CTNNA2: variants seen among roughly 807,000 people sequenced by gnomAD.
The protein encoded by CTNNA2 is catenin alpha-2.
Under a neutral mutation model 101.0 loss-of-function variants are expected in CTNNA2, and 42 were observed. That is an observed-to-expected ratio of 0.42 (90% CI 0.32 to 0.54). The LOEUF is 0.54. CTNNA2 is among the 20% of genes least tolerant of loss of function. The pLI is 0.14. For synonymous variants in CTNNA2, 450 were observed against 456.4 expected (o/e 0.99, Z 0.18); for missense variants, 871 against 1,223.1 (o/e 0.71, Z 4.29).
At chr2:80,449,360 T>C (rs1683315540) in intron 9 of CTNNA2, among the ~76,000 whole-genome samples, 1 of 152,126 alleles carries the variant, frequency 6.6e-6, no homozygotes, top group Non-Finnish European at 1.5e-5. Flanking sequence ...TCTATTTTGT[T>C]ATTGTAGCAG....
intron 7 of CTNNA2, among the ~76,000 whole-genome samples, chr2:80,093,225 A>T (rs890386659): frequency 3.3e-5 from 5 of 151,896 alleles, no homozygotes; most frequent in African/African-American, 1.2e-4. Context: ...TCATTGTTCA[A>T]TTCCCACCTG....
At chr2:79,242,952 G>A (rs1351292122) in intron 2 of CTNNA2, among the ~76,000 whole-genome samples, 1 of 140,750 alleles carries the variant, frequency 7.1e-6, no homozygotes, top group Non-Finnish European at 1.5e-5. Context: ...GAGCAACAAA[G>A]TAAGATCCTG....
chr2:80,414,152 A>G (rs1679835195), intron 8 of CTNNA2, among the ~76,000 whole-genome samples: 1 of 152,216 alleles, frequency 6.6e-6, no homozygotes, highest in African/African-American at 2.4e-5. Flanking sequence ...TTTCATCCTG[A>G]AGGAGAAACA....
At chr2:80,518,455 G>T (rs748959981) in intron 9 of CTNNA2, among the ~76,000 whole-genome samples, 1 of 152,080 alleles carries the variant, frequency 6.6e-6, no homozygotes, top group Non-Finnish European at 1.5e-5. Context: ...TGATACCCCT[G>T]CCCCAACATA....
intron 7 of CTNNA2, among the ~76,000 whole-genome samples, chr2:80,236,361 C>T (rs1316556056): frequency 1.3e-5 from 2 of 152,102 alleles, no homozygotes; most frequent in Non-Finnish European, 2.9e-5. Flanking sequence ...GATGGCAATC[C>T]CACTTTCTGT....
chr2:80,149,022 TA>T (rs372921430), intron 7 of CTNNA2, among the ~76,000 whole-genome samples: 13 of 130,440 alleles, frequency 1.0e-4, no homozygotes, highest in African/African-American at 2.3e-4. Flanking sequence ...CTTATTTTGT[TA>T]TTTTTTTTTT....
intron 3 of CTNNA2, among the ~76,000 whole-genome samples, chr2:79,797,803 C>T (rs1675840551): frequency 6.6e-6 from 1 of 151,718 alleles, no homozygotes; most frequent in Non-Finnish European, 1.5e-5. Context: ...GTTCCAGTTT[C>T]CTTATTTGTA....
chr2:80,638,976 C>T (rs1673156841), intron 18 of CTNNA2, among the ~76,000 whole-genome samples: 1 of 152,182 alleles, frequency 6.6e-6, no homozygotes, highest in South Asian at 2.1e-4. Flanking sequence ...TACAGATTTC[C>T]TCACAACTGG....
intron 1 of CTNNA2, among the ~76,000 whole-genome samples, chr2:79,559,492 A>G (rs1245947241): frequency 6.6e-6 from 1 of 152,002 alleles, no homozygotes; most frequent in African/African-American, 2.4e-5. Context: ...AATGCACTTA[A>G]GAAATATTGC....
chr2:79,992,757 G>A (rs1393010096), intron 7 of CTNNA2, among the ~76,000 whole-genome samples: 2 of 152,114 alleles, frequency 1.3e-5, no homozygotes, highest in Admixed American at 1.3e-4. Context: ...ATTATGGTTT[G>A]CTTTTTTCTT....
Position 79,938,011 on chromosome 2 carries a change from G to A in CTNNA2, c.1056+28214G>A, listed in dbSNP as rs527366032. Among the ~76,000 whole-genome samples, 13 of 152,264 alleles carry A rather than the reference G, an allele frequency of 8.5e-5. No individual in the cohort carries two copies. The South Asian group carries it at 2.7e-3, about 32-fold the overall frequency. The stretch of plus-strand genomic sequence containing the variant: ...TGTTTTTTAAACTCTATGTTACTCA[G>A]ATTTGATTGGTATGACACCAACTTC... On this transcript the variant is annotated intron_variant, in intron 7 of 18. Coordinates refer to ENST00000402739, the MANE Select transcript of CTNNA2 (RefSeq NM_001282597.3).
intron 4 of CTNNA2, among the ~76,000 whole-genome samples, chr2:79,377,419 T>G (rs1253890861): frequency 6.6e-6 from 1 of 152,176 alleles, no homozygotes; most frequent in African/African-American, 2.4e-5. Context: ...GCCAAAATAA[T>G]TTTTTATTTG....
At chr2:79,624,913 G>A (rs995008427) in intron 1 of CTNNA2, among the ~76,000 whole-genome samples, 4 of 152,050 alleles carry the variant, frequency 2.6e-5, no homozygotes, top group Admixed American at 6.6e-5. Context: ...TCTTGTCTCC[G>A]GAGCCAGGTA....
intron 18 of CTNNA2, among the ~76,000 whole-genome samples, chr2:80,640,920 C>G (rs771259650): frequency 5.9e-5 from 9 of 152,166 alleles, no homozygotes; most frequent in Non-Finnish European, 1.0e-4. Flanking sequence ...ATTTCCTACC[C>G]TGAAAACCTA....
intron 7 of CTNNA2, among the ~76,000 whole-genome samples, chr2:80,095,702 A>G (rs1481913703): frequency 1.3e-5 from 2 of 152,148 alleles, no homozygotes; most frequent in African/African-American, 2.4e-5. Flanking sequence ...GTCTATTCAG[A>G]GATTCAACTT....
chr2:79,329,174 C>T (rs2104416680), intron 3 of CTNNA2, among the ~76,000 whole-genome samples: 1 of 152,190 alleles, frequency 6.6e-6, no homozygotes. Flanking sequence ...CTATTCAGCC[C>T]AGTACAGTGC....
intron 7 of CTNNA2, among the ~76,000 whole-genome samples, chr2:80,011,591 A>G (rs981078698): frequency 2.0e-5 from 2 of 101,300 alleles, no homozygotes; most frequent in Admixed American, 9.2e-5. Flanking sequence ...GTGTCCAGTG[A>G]GGGAGTTAGA....
intron 7 of CTNNA2, among the ~76,000 whole-genome samples, chr2:79,943,922 T>A (rs1688320835): frequency 6.6e-6 from 1 of 152,200 alleles, no homozygotes. Flanking sequence ...ATGTGTTAGT[T>A]CTAGTATAAT....
At chr2:79,513,948 G>A (rs1452767292) in intron 1 of CTNNA2, among the ~76,000 whole-genome samples, 2 of 152,246 alleles carry the variant, frequency 1.3e-5, no homozygotes, top group African/African-American at 4.8e-5. Context: ...GGGGAGGGGA[G>A]AGGAAGGGAG....
Sources: allele counts gnomAD v4.1 joint callset (sites outside exome capture counted in the v4.1 genomes callset), GRCh38; gene constraint gnomAD v4.1.1; transcripts MANE v1.5; gene names NCBI Gene and HGNC (gene_info 2026-07-23, HGNC 2026-07-21).